Variants in KAZN observed in about 807,000 individuals in gnomAD.
KAZN encodes kazrin, periplakin interacting protein.
In KAZN, 40 loss-of-function variants were observed where a neutral mutation model predicts 87.4. The observed-to-expected ratio is 0.46, with a 90% CI of 0.36 to 0.60. KAZN has a LOEUF of 0.60. Ranked by LOEUF, KAZN falls within the 20% of genes least tolerant of loss-of-function variation. The pLI, the probability that KAZN is intolerant of heterozygous loss-of-function variation, is 0.00. For synonymous variants in KAZN, 466 were observed against 458.3 expected (o/e 1.02, Z -0.22); for missense variants, 898 against 1,073.9 (o/e 0.84, Z 2.29).
intron 2 of KAZN, among the ~76,000 whole-genome samples, chr1:14,265,069 AT>A (rs1216379999): frequency 2.6e-5 from 4 of 152,236 alleles, no homozygotes; most frequent in Non-Finnish European, 5.9e-5. Context: ...ATTTATATCA[AT>A]AATTTTAGTT....
chr1:14,901,840 C>T (rs61773599), intron 1 of KAZN, among the ~76,000 whole-genome samples: 14,761 of 152,260 alleles, frequency 0.097, 834 homozygotes, highest in Middle Eastern at 0.16. Flanking sequence ...CTCTGTCTTT[C>T]TCCCAGAAGC....
At chr1:15,061,418 G>T (rs1638786664) in intron 6 of KAZN, 1 of 152,222 alleles carries the variant, frequency 6.6e-6, no homozygotes, top group Non-Finnish European at 1.5e-5. Context: ...GGCAGAGATT[G>T]CTGGCCCGGG....
intron 8 of KAZN, among the ~76,000 whole-genome samples, chr1:15,088,186 A>G (rs1438841375): frequency 1.1e-4 from 16 of 152,260 alleles, no homozygotes; most frequent in African/African-American, 3.9e-4. Flanking sequence ...GCTTTAGACA[A>G]TAAATAAACA....
intron 2 of KAZN, among the ~76,000 whole-genome samples, chr1:14,543,751 C>G (rs1024579491): frequency 1.3e-5 from 2 of 152,050 alleles, no homozygotes; most frequent in Non-Finnish European, 2.9e-5. Context: ...TGGAGACCAC[C>G]GTATTATGAG....
At chr1:14,033,396 G>A (rs1641409682) in intron 1 of KAZN, among the ~76,000 whole-genome samples, 1 of 152,188 alleles carries the variant, frequency 6.6e-6, no homozygotes, top group African/African-American at 2.4e-5. Context: ...GTCATGGCAT[G>A]GGGGCTGCTG....
At chr1:14,076,010 G>C (rs368425424) in intron 1 of KAZN, among the ~76,000 whole-genome samples, 78 of 152,278 alleles carry the variant, frequency 5.1e-4, no homozygotes, top group Non-Finnish European at 7.9e-4. Context: ...GACTGGGCGC[G>C]GTGGCTCATG....
At chr1:15,036,463 G>A (rs1406823916) in intron 3 of KAZN, among the ~76,000 whole-genome samples, 2 of 150,382 alleles carry the variant, frequency 1.3e-5, no homozygotes, top group Admixed American at 6.6e-5. Context: ...GATGAACTGA[G>A]CCTCCCCATG....
chr1:14,681,817 G>A (rs1255346531), intron 1 of KAZN, among the ~76,000 whole-genome samples: 4 of 147,818 alleles, frequency 2.7e-5, no homozygotes, highest in Admixed American at 2.0e-4. Flanking sequence ...CAGCATCCAC[G>A]AGTAGCTGGG....
chr1:14,411,192 C>A (rs1315138091), intron 2 of KAZN, among the ~76,000 whole-genome samples: 1 of 152,164 alleles, frequency 6.6e-6, no homozygotes, highest in Non-Finnish European at 1.5e-5. Flanking sequence ...TTTTTCAAAA[C>A]TTTAATGTAG....
chr1:14,419,834 G>A (rs746481522), intron 2 of KAZN, among the ~76,000 whole-genome samples: 12 of 152,262 alleles, frequency 7.9e-5, no homozygotes, highest in South Asian at 2.1e-4. Flanking sequence ...GGTCTCGGAA[G>A]TGAAGCCAGA....
At chr1:14,592,993 T>C (rs1015407659) in intron 2 of KAZN, among the ~76,000 whole-genome samples, 5 of 152,194 alleles carry the variant, frequency 3.3e-5, no homozygotes, top group African/African-American at 1.2e-4. Context: ...GCCCCCAGCT[T>C]ATCCACTCAA....
chr1:14,115,953 T>A (rs1200289940), intron 1 of KAZN, among the ~76,000 whole-genome samples: 2 of 152,140 alleles, frequency 1.3e-5, no homozygotes, highest in African/African-American at 2.4e-5. Context: ...GCCCTAGAGA[T>A]TTGTGTAACT....
In KAZN at chr1:15,094,160, C is replaced by T. The variant is rs757994147; in HGVS notation, c.1223-20C>T. 24 of 1,609,302 alleles carry T rather than the reference C, an allele frequency of 1.5e-5. No individual in the cohort carries two copies. Among genetic ancestry groups the T allele is most frequent in the Non-Finnish European group, 2.0e-5 (24 of 1,177,968 alleles). ...CCAGCAGCCTCGTCCCCCAGCATGG[C>T]CTGCACTTGTGTGTTGCAGACTCGG... On this transcript the variant is annotated intron_variant, in intron 8 of 14. Transcript: ENST00000376030. This position sits in a 1 kb window ranked among gnomAD's most constrained non-coding sequence, Gnocchi z 4.5.
chr1:14,659,947 C>A (rs865936482), intron 1 of KAZN, among the ~76,000 whole-genome samples: 16 of 151,850 alleles, frequency 1.1e-4, no homozygotes, highest in African/African-American at 3.9e-4. Flanking sequence ...CATTACTGTA[C>A]ACTAGAAAGG....
chr1:14,055,969 G>A (rs1421507470), intron 1 of KAZN, among the ~76,000 whole-genome samples: 1 of 152,114 alleles, frequency 6.6e-6, no homozygotes, highest in African/African-American at 2.4e-5. Flanking sequence ...GCCCCATCAA[G>A]CTAGCCTACC....
intron 1 of KAZN, among the ~76,000 whole-genome samples, chr1:14,681,218 C>T (rs1640550860): frequency 6.6e-6 from 1 of 152,204 alleles, no homozygotes; most frequent in South Asian, 2.1e-4. Flanking sequence ...TGGGTGGGGA[C>T]AAATACCTAC....
At position 15,016,413 on chromosome 1, in the gene KAZN, G is replaced by A. The variant is rs1163216829; in HGVS notation, c.419-18336G>A. ...TCATTCTCCTGTCTCAGCCTCCCGAGTAGCTGGGATTACAGGCGCATGCCA... is the reference window on the plus strand; with the variant it reads ...TCATTCTCCTGTCTCAGCCTCCCGAATAGCTGGGATTACAGGCGCATGCCA... On this transcript the variant is annotated intron_variant, in intron 2 of 14. Coordinates refer to ENST00000376030, the MANE Select transcript of KAZN (RefSeq NM_201628.3). Among the ~76,000 whole-genome samples the A allele has an allele frequency of 2.0e-5, 3 of 152,236 alleles. No individual in the cohort carries two copies. The South Asian group carries it at 6.2e-4, about 32-fold the overall frequency.
At position 14,737,534 on chromosome 1, in the gene KAZN, G is replaced by A. The variant is rs1643944318; in HGVS notation, c.226+138311G>A. Among the ~76,000 whole-genome samples, 3 of 152,206 alleles carry A rather than the reference G, an allele frequency of 2.0e-5. No homozygotes were observed. In the South Asian group the frequency reaches 6.2e-4, roughly 32 times the overall value. ...TCTGTTATCAACTGCTGTGTAACCA[G>A]TTACTGCACACTGGGCAGCTTATGA... On this transcript the variant is annotated intron_variant, in intron 1 of 14. Transcript: ENST00000376030.
intron 2 of KAZN, among the ~76,000 whole-genome samples, chr1:14,259,294 G>C (rs1327301055): frequency 6.6e-6 from 1 of 152,114 alleles, no homozygotes; most frequent in African/African-American, 2.4e-5. Flanking sequence ...AGGGCTGAGG[G>C]CCAGGGCTTT....
Sources: allele counts gnomAD v4.1 joint callset (sites outside exome capture counted in the v4.1 genomes callset), GRCh38; gene constraint gnomAD v4.1.1; non-coding constraint Gnocchi (gnomAD v3.1); transcripts MANE v1.5; gene names NCBI Gene and HGNC (gene_info 2026-07-23, HGNC 2026-07-21).